The following MYBBP1A variants were observed in gnomAD, a reference collection of about 807,000 sequenced individuals.
MYBBP1A encodes the protein myb-binding protein 1A.
Under a neutral mutation model 136.3 loss-of-function variants are expected in MYBBP1A, and 147 were observed. That is an observed-to-expected ratio of 1.08 (90% confidence interval 0.94 to 1.24). The LOEUF is 1.24. Ranked by LOEUF, MYBBP1A falls within the 50% of genes most tolerant of loss-of-function variation. The pLI, the probability that MYBBP1A is intolerant of heterozygous loss-of-function variation, is 0.00. For synonymous variants in MYBBP1A, 947 were observed against 735.8 expected (o/e 1.29, Z -4.65); for missense variants, 2,060 against 1,727.4 (o/e 1.19, Z -3.41).
At chr17:4,546,187 C>T (rs1055903608) in intron 13 of MYBBP1A, among the ~76,000 whole-genome samples, 7 of 152,202 alleles carry the variant, frequency 4.6e-5, no homozygotes, top group Admixed American at 2.6e-4. Flanking sequence ...GGTCTGATCT[C>T]GGCTCACCAC....
At chr17:4,551,576 T>C (rs1356408039) in intron 8 of MYBBP1A, among the ~76,000 whole-genome samples, 2 of 152,094 alleles carry the variant, frequency 1.3e-5, no homozygotes, top group African/African-American at 2.4e-5. Context: ...GGGCGTGGTA[T>C]TGGGCGCCTG....
intron 25 of MYBBP1A, among the ~76,000 whole-genome samples, 163 bp from the exon 26 acceptor site, chr17:4,540,130 CCCTGGGTCCTG>C (rs1567602082): frequency 6.8e-6 from 1 of 148,068 alleles, no homozygotes; most frequent in African/African-American, 2.6e-5. Context: ...CCTGCGAGGC[CCCTGGGTCCTG>C]CGAGGGTCCT....
intron 8 of MYBBP1A, 130 bp downstream of exon 8, chr17:4,551,750 C>T (rs1907523639): frequency 2.6e-6 from 2 of 775,470 alleles, no homozygotes; most frequent in South Asian, 1.5e-5. Context: ...GTTCAGGCAG[C>T]TCACTACCCA....
In MYBBP1A at chr17:4,539,015, G is replaced by C. The variant is rs779110346; in HGVS notation, c.*400C>G. On this transcript the variant is annotated 3_prime_UTR_variant, in exon 26 of 26. Transcript: ENST00000254718. ...CAAATATATTCCTCTTGTAAATGAA[G>C]AAATAAACCTATTTAAATCACCCCC... 3.6e-6 allele frequency: 3 copies of C among 826,960 alleles called. No individual in the cohort carries two copies. The African/African-American group carries it at 5.0e-5, about 14-fold the overall frequency. 51.2% of individuals were successfully genotyped at this position (826,960 alleles called of 1,614,324 possible).
Position 4,540,516 on chromosome 17 carries a change from CCA to C in MYBBP1A, c.3298-34_3298-33del, listed in dbSNP as rs780665484. The C allele has an allele frequency of 2.5e-6, 4 of 1,578,324 alleles. No individual in the cohort carries two copies. The African/African-American group carries it at 4.0e-5, about 16-fold the overall frequency. ...AGGGTGGGAAGGCAGAGCTGTGGGG[CCA>C]CAGAGGGCGGGGCCTCTCGCGGGCT... On this transcript the variant is annotated intron_variant, in intron 24 of 25. Coordinates refer to ENST00000254718, the MANE Select transcript of MYBBP1A (RefSeq NM_014520.4).
rs1399011383 is a variant in MYBBP1A, at chr17:4,552,451, C to A, written c.737G>T (p.Arg246Met). The change falls in exon 6 of 26, where the codon AGG (arginine) becomes ATG (methionine). Residue 246 changes from arginine to methionine, a missense_variant and splice_region_variant. Coordinates refer to ENST00000254718, the MANE Select transcript of MYBBP1A (RefSeq NM_014520.4). This position sits in a 1 kb window ranked among gnomAD's most constrained non-coding sequence, Gnocchi z 4.7. ...VNLFSDENVP[R>M]LVNVLKMAAS... ...GCAAATCCGCCCACCTCCATCACAC[C>A]TGGGGACATTCTCATCTGAGAATAG... is the stretch of plus-strand genomic sequence containing the variant. 6.2e-7 allele frequency: 1 copy of A among 1,612,700 alleles called. No individual in the cohort carries two copies. The highest frequency in any genetic ancestry group is 8.5e-7 in the Non-Finnish European group (1 of 1,179,976).
At chr17:4,541,694 C>T (rs1175985065) in intron 23 of MYBBP1A, 90 bp downstream of exon 23, 23 of 1,457,560 alleles carry the variant, frequency 1.6e-5, no homozygotes, top group Non-Finnish European at 1.8e-5. Context: ...ACTCTGGACT[C>T]AGGCTCCAAT....
At position 4,552,827 on chromosome 17, in the gene MYBBP1A, C is replaced by T. The variant is rs1202997667; in HGVS notation, c.562-201G>A. On this transcript the variant is annotated intron_variant, in intron 5 of 25. Transcript: ENST00000254718. The surrounding 1 kb of genome is among the most constrained non-coding windows in gnomAD (Gnocchi z 4.7). ...GCTAACTGGCCCCTGGAGGTACCTG[C>T]CCCCCACCCCTTATTTTTTTTTTTT... Among the ~76,000 whole-genome samples the T allele has an allele frequency of 5.1e-5, 4 of 78,888 alleles. No individual in the cohort carries two copies. Among genetic ancestry groups the T allele is most frequent in the Non-Finnish European group, 1.1e-4 (4 of 36,142 alleles). 51.8% of individuals were successfully genotyped at this position (78,888 alleles called of 152,430 possible). A position where few individuals can be genotyped will look rare whatever the true frequency, so the allele number is the denominator to read the frequency against.
rs779531050 is a variant in MYBBP1A at position 4,548,261 on chromosome 17, G to C, written c.1606C>G (p.Gln536Glu). ...TGGTAGGTCCAGGGCTGCCCACCCT[G>C]GGTCTGGCCCGGTGCCTGCTTGAAC... Reference protein sequence around the residue: ...TQFKQAPGQTQGGQPWTYHLV... With the variant: ...TQFKQAPGQTEGGQPWTYHLV... Residue 536 changes from glutamine (Q) to glutamate (E), a missense_variant, in exon 12 of 26, where the codon CAG becomes GAG. Physicochemically the swap from Gln to Glu is conservative, Grantham distance 29 (BLOSUM62 2). Coordinates refer to ENST00000254718, the MANE Select transcript of MYBBP1A (RefSeq NM_014520.4). This position sits in a 1 kb window ranked among gnomAD's most constrained non-coding sequence, Gnocchi z 4.2. The C allele has an allele frequency of 1.9e-6, 3 of 1,612,422 alleles. No individual in the cohort carries two copies. Among genetic ancestry groups the C allele is most frequent in the Non-Finnish European group, 2.5e-6 (3 of 1,180,014 alleles).
At chr17:4,549,481 A>G in intron 9 of MYBBP1A, 39 bp from the exon 10 acceptor site, 1 of 1,574,354 alleles carries the variant, frequency 6.4e-7, no homozygotes, top group Non-Finnish European at 8.7e-7. Flanking sequence ...AGCCACTTAT[A>G]ACTGGCAGAA....
Position 4,550,208 on chromosome 17 carries a change from G to C in MYBBP1A, c.1169C>G (p.Thr390Ser), listed in dbSNP as rs1489758891. The C allele has an allele frequency of 1.9e-6, 3 of 1,613,886 alleles. No homozygotes were observed. Among genetic ancestry groups the C allele is most frequent in the Non-Finnish European group, 1.7e-6 (2 of 1,180,048 alleles). The change falls in exon 9 of 26, where the codon ACT becomes AGT. Residue 390 changes from threonine to serine, a missense_variant. Physicochemically the swap from Thr to Ser is moderately conservative, Grantham distance 58. Coordinates refer to ENST00000254718, the MANE Select transcript of MYBBP1A (RefSeq NM_014520.4). ...CAGGAACCGCACGACCCGCCAGAAA[G>C]TAGGCGTGACAGGGAGGCCTTGGTT... Reference protein sequence around the residue: ...VTNQGLPVTPTFWRVVRFLSP... With the variant: ...VTNQGLPVTPSFWRVVRFLSP...
chr17:4,548,764 C>A lies in MYBBP1A; in HGVS notation c.1431-115G>T, dbSNP rs1229552000. ...GCCAGGAGGAGGAGGAGCCGCCCTT[C>A]TGCCCTGGGTACAGTCCTCGGGGGC... On this transcript the variant is annotated intron_variant, in intron 10 of 25. Coordinates refer to ENST00000254718, the MANE Select transcript of MYBBP1A (RefSeq NM_014520.4). The surrounding 1 kb of genome is among the most constrained non-coding windows in gnomAD (Gnocchi z 4.2). 5.5e-6 allele frequency: 8 copies of A among 1,445,574 alleles called. No individual in the cohort carries two copies. Among genetic ancestry groups the A allele is most frequent in the Non-Finnish European group, 7.5e-6 (8 of 1,059,966 alleles). The allele number at this position is 1,445,574 out of a possible 1,614,324, so 89.5% of individuals were successfully genotyped here.
Position 4,540,309 on chromosome 17 carries a change from G to A in MYBBP1A, c.3434+39C>T, listed in dbSNP as rs199533269. ...GTGCAGCAGCGTGAGGGTGTTCCCA[G>A]CCCCTACCCAAGGTGTGTGTCCCCC... On this transcript the variant is annotated intron_variant, in intron 25 of 25. Coordinates refer to ENST00000254718, the MANE Select transcript of MYBBP1A (RefSeq NM_014520.4). 1.2e-3 allele frequency: 1,823 copies of A among 1,566,792 alleles called. 1 individual carries two copies. Among genetic ancestry groups the A allele is most frequent in the Non-Finnish European group, 1.4e-3 (1,667 of 1,159,800 alleles).
rs1197364847 is a variant in MYBBP1A, at chr17:4,552,420, G to A, written c.737+31C>T. 10 of 1,608,642 alleles carry A rather than the reference G, an allele frequency of 6.2e-6. No individual in the cohort carries two copies. In the South Asian group the frequency reaches 8.8e-5, roughly 14 times the overall value. ...GGCCAGATGCAGTCCCTTGGCCCCA[G>A]GGAGGGCAAATCCGCCCACCTCCAT... On this transcript the variant is annotated intron_variant, in intron 6 of 25. Coordinates refer to ENST00000254718, the MANE Select transcript of MYBBP1A (RefSeq NM_014520.4). The surrounding 1 kb of genome is among the most constrained non-coding windows in gnomAD (Gnocchi z 4.7).
At chr17:4,540,618 TCTGC>T in intron 24 of MYBBP1A, 134 bp from the exon 25 acceptor site, 1 of 1,123,898 alleles carries the variant, frequency 8.9e-7, no homozygotes, top group East Asian at 2.8e-5. Flanking sequence ...AGCCTCTCCT[TCTGC>T]CTGTTAAGTC....
Position 4,552,289 on chromosome 17 carries a change from C to T in MYBBP1A, c.741G>A (p.Leu247=). The T allele has an allele frequency of 6.2e-7, 1 of 1,614,024 alleles. No individual in the cohort carries two copies. The highest frequency in any genetic ancestry group is 8.5e-7 in the Non-Finnish European group (1 of 1,180,016). The change falls in exon 7 of 26, where the codon CTG becomes CTA. Residue 247 remains leucine (L), a synonymous_variant. Transcript: ENST00000254718. This position sits in a 1 kb window ranked among gnomAD's most constrained non-coding sequence, Gnocchi z 4.7. Reference sequence around the variant, plus strand: ...AGGCGGCCATCTTCAGCACATTCACCAGCCTGCGGAGGGCAAGGGACTCAG... The same window carrying T: ...AGGCGGCCATCTTCAGCACATTCACTAGCCTGCGGAGGGCAAGGGACTCAG... ...NLFSDENVPR[L]VNVLKMAASS...
At chr17:4,541,418 C>T (rs1356354040) in intron 24 of MYBBP1A, 45 bp downstream of exon 24, 1 of 1,567,546 alleles carries the variant, frequency 6.4e-7, no homozygotes, top group South Asian at 1.1e-5. Flanking sequence ...CCCAAGGCCC[C>T]CAAGAGGAAC....
chr17:4,552,427 C>T lies in MYBBP1A; in HGVS notation c.737+24G>A, dbSNP rs776404119. On this transcript the variant is annotated intron_variant, in intron 6 of 25. Coordinates refer to ENST00000254718, the MANE Select transcript of MYBBP1A (RefSeq NM_014520.4). The surrounding 1 kb of genome is among the most constrained non-coding windows in gnomAD (Gnocchi z 4.7). ...TGCAGTCCCTTGGCCCCAGGGAGGGCAAATCCGCCCACCTCCATCACACCT... is the reference window on the plus strand; with the variant it reads ...TGCAGTCCCTTGGCCCCAGGGAGGGTAAATCCGCCCACCTCCATCACACCT... 4.3e-6 allele frequency: 7 copies of T among 1,609,320 alleles called. No homozygotes were observed. Among genetic ancestry groups the T allele is most frequent in the Non-Finnish European group, 5.9e-6 (7 of 1,178,542 alleles).
chr17:4,545,026 C>T lies in MYBBP1A; in HGVS notation c.2310G>A (p.Leu770=), dbSNP rs1906861653. ...CCCCCCCTCCACCTCCCCCACTCAC[C>T]AGCGCCTTCCCAGCCTGCAGCACGG... ...LMTVLQAGKA[L]GGEDSENEEE... The change falls in exon 17 of 26, where the codon CTG becomes CTA. Residue 770 remains leucine, a splice_region_variant and synonymous_variant. Coordinates refer to ENST00000254718, the MANE Select transcript of MYBBP1A (RefSeq NM_014520.4). The T allele has an allele frequency of 3.9e-6, 6 of 1,531,806 alleles. No individual in the cohort carries two copies. Among genetic ancestry groups the T allele is most frequent in the African/African-American group, 1.4e-5 (1 of 72,012 alleles). The allele number at this position is 1,531,806 out of a possible 1,614,324, so 94.9% of individuals were successfully genotyped here. A position where few individuals can be genotyped will look rare whatever the true frequency, so the allele number is the denominator to read the frequency against.
Sources: gnomAD v4.1 joint callset for allele counts (sites outside exome capture counted in the v4.1 genomes callset) on GRCh38, gnomAD v4.1.1 for gene constraint, Gnocchi (gnomAD v3.1) non-coding constraint, MANE v1.5 for transcripts, NCBI Gene and HGNC (gene_info 2026-07-23, HGNC 2026-07-21) for gene names.